The following TLN1 variants were observed in gnomAD, a reference collection of about 807,000 sequenced individuals.
TLN1 encodes the protein talin 1.
Under a neutral mutation model 292.3 loss-of-function variants are expected in TLN1, and 56 were observed. The ratio of observed to expected loss-of-function variants is 0.19; its 90% confidence interval spans 0.15 to 0.24. The LOEUF (loss-of-function observed/expected upper bound fraction) is 0.24. Ranked by LOEUF, TLN1 falls within the 10% of genes least tolerant of loss-of-function variation. TLN1 has a pLI of 1.00. For missense variants in TLN1, 2,433 were observed against 3,248.2 expected (o/e 0.75, Z 6.10); for synonymous variants, 1,119 against 1,253.7 (o/e 0.89, Z 2.27).
intron 48 of TLN1, among the ~76,000 whole-genome samples, chr9:35,702,453 C>T (rs1825481622): frequency 1.3e-5 from 2 of 152,076 alleles, no homozygotes; most frequent in Non-Finnish European, 2.9e-5. Context: ...AAGAGAAAAG[C>T]CAGTATCTAG....
Position 35,704,744 on chromosome 9 carries a change from G to C in TLN1, c.5805C>G (p.Gly1935=). 1 of 1,614,166 alleles carries C rather than the reference G, an allele frequency of 6.2e-7. No individual in the cohort carries two copies. Among genetic ancestry groups the C allele is most frequent in the Non-Finnish European group, 8.5e-7 (1 of 1,180,034 alleles). Residue 1935 remains glycine, a synonymous_variant, in exon 44 of 57, where the codon GGC becomes GGG. Coordinates refer to ENST00000314888, the MANE Select transcript of TLN1 (RefSeq NM_006289.4). This position sits in a 1 kb window ranked among gnomAD's most constrained non-coding sequence, Gnocchi z 6.9. ...HGCAALVTKA[G]ALQCSPSDAY... ...CATCACTGGGGCTGCACTGCAGGGC[G>C]CCTGCCTTGGTGACCAGAGCGGCAC... is the stretch of plus-strand genomic sequence containing the variant.
Position 35,719,813 on chromosome 9 carries a change from C to T in TLN1, c.1505G>A (p.Ser502Asn). ...QQALTGTINS[S>N]MQAVQAAQAT... ...CTGGGCAGCCTGCACGGCCTGCATG[C>T]TGGAGTTAATGGTTCCAGTGAGTGC... The change falls in exon 14 of 57, where the codon AGC (serine) becomes AAC (asparagine). Residue 502 changes from serine (S) to asparagine (N), a missense_variant. Ser to Asn is a conservative substitution (Grantham distance 46, BLOSUM62 1). Transcript: ENST00000314888. This position sits in a 1 kb window ranked among gnomAD's most constrained non-coding sequence, Gnocchi z 4.6. 6.3e-7 allele frequency: 1 copy of T among 1,599,284 alleles called. No homozygotes were observed. The highest frequency in any genetic ancestry group is 2.3e-5 in the East Asian group (1 of 44,390).
At chr9:35,722,079 T>G in intron 9 of TLN1, 40 bp downstream of exon 9, 1 of 1,563,774 alleles carries the variant, frequency 6.4e-7, no homozygotes, top group Non-Finnish European at 8.8e-7. Flanking sequence ...AGGGCAAGAG[T>G]GGGAAACAAG....
intron 11 of TLN1, 139 bp from the exon 12 acceptor site, chr9:35,720,648 C>G: frequency 1.1e-6 from 1 of 874,230 alleles, no homozygotes; most frequent in Admixed American, 2.8e-5. Flanking sequence ...TTTTTTTTGA[C>G]AAGAAAGGGC....
At position 35,707,160 on chromosome 9, in the gene TLN1, T is replaced by C; in HGVS notation, c.4867A>G (p.Asn1623Asp). 6.2e-7 allele frequency: 1 copy of C among 1,610,300 alleles called. No individual in the cohort carries two copies. The highest frequency in any genetic ancestry group is 1.1e-5 in the South Asian group (1 of 90,908). ...LIQTARALAV[N>D]PRDPPSWSVL... ...GACCAGCTCGGGGGGTCCCGGGGAT[T>C]GACTGCGAGGGCCCGGGCTGTCTGG... is the stretch of plus-strand genomic sequence containing the variant. Residue 1623 changes from asparagine to aspartate, a missense_variant, in exon 37 of 57, where the codon AAT becomes GAT. Asn to Asp is a conservative substitution (Grantham distance 23). Around this residue, in one of 7 missense-constraint regions of TLN1, gnomAD observed 1,384 missense variants for 1,699.6 expected, o/e 0.81. Coordinates refer to ENST00000314888, the MANE Select transcript of TLN1 (RefSeq NM_006289.4). This position sits in a 1 kb window ranked among gnomAD's most constrained non-coding sequence, Gnocchi z 5.6.
Position 35,717,493 on chromosome 9 carries a change from T to A in TLN1, c.2164-53A>T. The A allele has an allele frequency of 6.3e-7, 1 of 1,591,204 alleles. No individual in the cohort carries two copies. The highest frequency in any genetic ancestry group is 8.6e-7 in the Non-Finnish European group (1 of 1,165,308). ...TAGGCAAGGGAAAGGAGGTAGAGTA[T>A]GCTGCTCATAGCAGTAACTGGGATG... On this transcript the variant is annotated intron_variant, in intron 18 of 56. Transcript: ENST00000314888. This position sits in a 1 kb window ranked among gnomAD's most constrained non-coding sequence, Gnocchi z 4.7.
Position 35,706,187 on chromosome 9 carries a change from C to G in TLN1, c.5361+9G>C, listed in dbSNP as rs774555501. ...CTAGTAACAGCTCCTCCCTCCCAAC[C>G]CTCAATACCTTTGGGTTACCACCAG... On this transcript the variant is annotated intron_variant, in intron 40 of 56. Coordinates refer to ENST00000314888, the MANE Select transcript of TLN1 (RefSeq NM_006289.4). This position sits in a 1 kb window ranked among gnomAD's most constrained non-coding sequence, Gnocchi z 4.2. The G allele has an allele frequency of 2.5e-6, 4 of 1,608,938 alleles. No individual in the cohort carries two copies. The highest frequency in any genetic ancestry group is 3.4e-6 in the Non-Finnish European group (4 of 1,177,050).
At position 35,704,400 on chromosome 9, in the gene TLN1, G is replaced by C; in HGVS notation, c.5979C>G (p.Asp1993Glu). The C allele has an allele frequency of 6.2e-7, 1 of 1,614,242 alleles. No homozygotes were observed. The highest frequency in any genetic ancestry group is 8.5e-7 in the Non-Finnish European group (1 of 1,180,036). The change falls in exon 45 of 57, where the codon GAC (aspartate) becomes GAG (glutamate). Residue 1993 changes from aspartate to glutamate, a missense_variant. By Grantham distance (45) the Asp-to-Glu change is conservative (BLOSUM62 2). Around this residue, in one of 7 missense-constraint regions of TLN1, gnomAD observed 1,384 missense variants for 1,699.6 expected, o/e 0.81. Transcript: ENST00000314888. The surrounding 1 kb of genome is among the most constrained non-coding windows in gnomAD (Gnocchi z 6.9). Reference sequence around the variant, plus strand: ...CAGCAGTGGCGAACATGATGGTGGTGTCGAGGTCAGCAATGATACCAGACA... The same window carrying C: ...CAGCAGTGGCGAACATGATGGTGGTCTCGAGGTCAGCAATGATACCAGACA... ...SAVSGIIADL[D>E]TTIMFATAGT...
Position 35,719,974 on chromosome 9 carries a change from C to T in TLN1, c.1464+65G>A. 1 of 1,587,500 alleles carries T rather than the reference C, an allele frequency of 6.3e-7. No individual in the cohort carries two copies. Among genetic ancestry groups the T allele is most frequent in the Non-Finnish European group, 8.6e-7 (1 of 1,164,826 alleles). ...GGACCTGGGAAAAGACTGCCTAACT[C>T]CTGGCTCGGCCCAGCTGAGGGTGAG... On this transcript the variant is annotated intron_variant, in intron 13 of 56. Transcript: ENST00000314888. The surrounding 1 kb of genome is among the most constrained non-coding windows in gnomAD (Gnocchi z 4.6).
At chr9:35,716,150 G>GT (rs1186709433) in intron 20 of TLN1, among the ~76,000 whole-genome samples, 1 of 139,824 alleles carries the variant, frequency 7.2e-6, no homozygotes, top group Non-Finnish European at 1.5e-5. Context: ...GAGTCCAAGA[G>GT]TTTGAGACCA....
At position 35,704,897 on chromosome 9, in the gene TLN1, CAT is replaced by C. The variant is rs564850564; in HGVS notation, c.5734-84_5734-83del. On this transcript the variant is annotated intron_variant, in intron 43 of 56. Transcript: ENST00000314888. The surrounding 1 kb of genome is among the most constrained non-coding windows in gnomAD (Gnocchi z 6.9). ...CTGTGCTTGGAAAAGTCACTAAGGACATAGAAAAAAACATGCATTGTAGACTA... is the reference window on the plus strand; with the variant it reads ...CTGTGCTTGGAAAAGTCACTAAGGACAGAAAAAAACATGCATTGTAGACTA... 6.2e-6 allele frequency: 9 copies of C among 1,443,838 alleles called. No individual in the cohort carries two copies. In the African/African-American group the frequency reaches 1.7e-4, roughly 28 times the overall value. The allele number at this position is 1,443,838 out of a possible 1,614,324, so 89.4% of individuals were successfully genotyped here.
Position 35,703,887 on chromosome 9 carries a change from T to C in TLN1, c.6245A>G (p.Asn2082Ser), listed in dbSNP as rs754215577. 8 of 1,614,192 alleles carry C rather than the reference T, an allele frequency of 5.0e-6. No individual in the cohort carries two copies. The highest frequency in any genetic ancestry group is 6.8e-6 in the Non-Finnish European group (8 of 1,180,030). ...GGCTTTGGCTACATCTTTCACTGCGTTGATTAGTACCACCTGTGTGGGAAA... is the reference window on the plus strand; with the variant it reads ...GGCTTTGGCTACATCTTTCACTGCGCTGATTAGTACCACCTGTGTGGGAAA... ...EDPETQVVLI[N>S]AVKDVAKALG... is the part of the protein sequence containing the mutation. The change falls in exon 47 of 57, where the codon AAC becomes AGC. Residue 2082 changes from asparagine to serine, a missense_variant. By Grantham distance (46) the Asn-to-Ser change is conservative. This residue lies in a region of TLN1 where 1,384 missense variants were observed against 1,699.6 expected (regional missense o/e 0.81). Transcript: ENST00000314888.
intron 1 of TLN1, among the ~76,000 whole-genome samples, chr9:35,730,224 T>C (rs146868124): frequency 3.6e-4 from 55 of 150,796 alleles, no homozygotes; most frequent in African/African-American, 1.3e-3. Context: ...TGAAGGGACA[T>C]TGGCAATGTC....
Position 35,704,685 on chromosome 9 carries a change from C to T in TLN1, c.5864G>A (p.Arg1955Gln), listed in dbSNP as rs771306375. The T allele has an allele frequency of 9.9e-6, 16 of 1,613,926 alleles. No individual in the cohort carries two copies. Among genetic ancestry groups the T allele is most frequent in the East Asian group, 4.5e-5 (2 of 44,888 alleles). Residue 1955 changes from arginine to glutamine, a missense_variant, in exon 44 of 57, where the codon CGG becomes CAG. By Grantham distance (43) the Arg-to-Gln change is conservative. Around this residue, in one of 7 missense-constraint regions of TLN1, gnomAD observed 1,384 missense variants for 1,699.6 expected, o/e 0.81. Transcript: ENST00000314888. This position sits in a 1 kb window ranked among gnomAD's most constrained non-coding sequence, Gnocchi z 6.9. ...YTKKELIECA[R>Q]RVSEKVSHVL... ...CACCGTCACCTTCTCAGAGACTCTCCGGGCACACTCTATGAGCTCCTTCTT... is the reference window on the plus strand; with the variant it reads ...CACCGTCACCTTCTCAGAGACTCTCTGGGCACACTCTATGAGCTCCTTCTT...
In TLN1 at chr9:35,707,935, G is replaced by C; in HGVS notation, c.4471-43C>G. Reference sequence around the variant, plus strand: ...AGAGCCACGATGAGGGCAGGAAGGAGGTGTACATACCCAAGGAGGAGCCAT... The same window carrying C: ...AGAGCCACGATGAGGGCAGGAAGGACGTGTACATACCCAAGGAGGAGCCAT... On this transcript the variant is annotated intron_variant, in intron 34 of 56. Coordinates refer to ENST00000314888, the MANE Select transcript of TLN1 (RefSeq NM_006289.4). The surrounding 1 kb of genome is among the most constrained non-coding windows in gnomAD (Gnocchi z 5.6). 4 of 1,606,266 alleles carry C rather than the reference G, an allele frequency of 2.5e-6. No homozygotes were observed. The highest frequency in any genetic ancestry group is 3.4e-6 in the Non-Finnish European group (4 of 1,174,790).
intron 48 of TLN1, among the ~76,000 whole-genome samples, chr9:35,702,609 TAGCCTCCCA>T (rs1326289015): frequency 6.6e-6 from 1 of 151,964 alleles, no homozygotes; most frequent in Non-Finnish European, 1.5e-5. Context: ...TCTCCTGCCT[TAGCCTCCCA>T]AGCAGCTGGG....
chr9:35,720,634 T>C (rs538059480), intron 11 of TLN1, 125 bp from the exon 12 acceptor site: 21 of 1,117,326 alleles, frequency 1.9e-5, no homozygotes, highest in Admixed American at 4.9e-5. Context: ...TTTTTCTTTT[T>C]TTTTTTTTTT....
chr9:35,715,153 T>C lies in TLN1; in HGVS notation c.2660A>G (p.Gln887Arg), dbSNP rs1199251456. The C allele has an allele frequency of 6.2e-7, 1 of 1,612,752 alleles. No homozygotes were observed. Among genetic ancestry groups the C allele is most frequent in the Non-Finnish European group, 8.5e-7 (1 of 1,180,030 alleles). ...CTCAGCTGCCTCCCGCAGCCGCTGCTGCTGCTCCTCACTGTCAGGGTGGGC... is the reference window on the plus strand; with the variant it reads ...CTCAGCTGCCTCCCGCAGCCGCTGCCGCTGCTCCTCACTGTCAGGGTGGGC... ...AAAHPDSEEQ[Q>R]QRLREAAEGL... Residue 887 changes from glutamine (Q) to arginine (R), a missense_variant, in exon 21 of 57, where the codon CAG (glutamine) becomes CGG (arginine). By Grantham distance (43) the Gln-to-Arg change is conservative. This residue lies in a region of TLN1 where 617 missense variants were observed against 770.6 expected (regional missense o/e 0.80). Coordinates refer to ENST00000314888, the MANE Select transcript of TLN1 (RefSeq NM_006289.4).
intron 20 of TLN1, among the ~76,000 whole-genome samples, chr9:35,715,393 G>T (rs1825759347): frequency 6.6e-6 from 1 of 152,254 alleles, no homozygotes; most frequent in Non-Finnish European, 1.5e-5. Context: ...ATTCCCACTG[G>T]ATGCTGAAAT....
Sources: allele counts gnomAD v4.1 joint callset (sites outside exome capture counted in the v4.1 genomes callset), GRCh38; gene constraint gnomAD v4.1.1; regional missense constraint gnomAD v4.1.1; non-coding constraint Gnocchi (gnomAD v3.1); transcripts MANE v1.5; gene names NCBI Gene and HGNC (gene_info 2026-07-23, HGNC 2026-07-21).